The following ALDH5A1 variants were observed in gnomAD, a reference collection of about 807,000 sequenced individuals.
ALDH5A1 encodes succinate-semialdehyde dehydrogenase, mitochondrial.
ALDH5A1 carries 33 observed loss-of-function variants against 54.7 expected under a neutral mutation model. The ratio of observed to expected loss-of-function variants is 0.60; its 90% CI spans 0.46 to 0.81. ALDH5A1 has a LOEUF of 0.81. Ranked by LOEUF, ALDH5A1 falls within the 30% of genes least tolerant of loss-of-function variation. ALDH5A1 has a pLI of 0.00. For missense variants in ALDH5A1, 657 were observed against 711.0 expected (o/e 0.92, Z 0.86); for synonymous variants, 294 against 292.7 (o/e 1.00, Z -0.05).
chr6:24,520,339 A>G, intron 5 of ALDH5A1, 62 bp from the exon 6 acceptor site: 1 of 1,608,788 alleles, frequency 6.2e-7, no homozygotes, highest in Non-Finnish European at 8.5e-7. Context: ...TTTTTTAAAC[A>G]AAGGCTTAAC....
At chr6:24,507,698 TTTCTCTTGTA>T (rs1759385523) in intron 4 of ALDH5A1, among the ~76,000 whole-genome samples, 2 of 152,202 alleles carry the variant, frequency 1.3e-5, no homozygotes, top group Admixed American at 6.5e-5. Context: ...TTTTTGTCAC[TTTCTCTTGTA>T]TCTTTTTCAT....
chr6:24,499,093 C>T (rs1490318749), intron 1 of ALDH5A1, among the ~76,000 whole-genome samples: 2 of 134,544 alleles, frequency 1.5e-5, no homozygotes, highest in Non-Finnish European at 3.1e-5. Context: ...CAGAGCAAGA[C>T]TCTGTCTCAA....
chr6:24,522,694 G>A, intron 6 of ALDH5A1, 73 bp from the exon 7 acceptor site: 1 of 1,561,200 alleles, frequency 6.4e-7, no homozygotes, highest in South Asian at 1.1e-5. Flanking sequence ...AGAGGCGGTA[G>A]CAGCCACACG....
At chr6:24,506,273 TGA>T (rs1213729646) in intron 4 of ALDH5A1, among the ~76,000 whole-genome samples, 1 of 105,014 alleles carries the variant, frequency 9.5e-6, no homozygotes, top group Non-Finnish European at 1.8e-5. Context: ...TTTTTTTTTT[TGA>T]GACAGTCTCG....
chr6:24,525,928 A>T (rs114770795), intron 7 of ALDH5A1, among the ~76,000 whole-genome samples: 2,356 of 152,110 alleles, frequency 0.015, 31 homozygotes, highest in South Asian at 0.04. Flanking sequence ...GAGACAGCAG[A>T]GGCATTTGTT....
intron 5 of ALDH5A1, among the ~76,000 whole-genome samples, chr6:24,516,991 A>G (rs1418682613): frequency 6.6e-6 from 1 of 152,160 alleles, no homozygotes; most frequent in East Asian, 1.9e-4. Context: ...TTTAGAAACC[A>G]TGAGAAGCAG....
chr6:24,516,939 T>TA (rs985528876), intron 5 of ALDH5A1, among the ~76,000 whole-genome samples: 1 of 152,008 alleles, frequency 6.6e-6, no homozygotes, highest in African/African-American at 2.4e-5. Flanking sequence ...ATAATAAAAA[T>TA]AAAAAAGTCT....
At chr6:24,504,810 C>T in intron 3 of ALDH5A1, 59 bp from the exon 4 acceptor site, 1 of 1,511,468 alleles carries the variant, frequency 6.6e-7, no homozygotes, top group African/African-American at 1.4e-5. Flanking sequence ...ACATGCCTTC[C>T]TTTGCACTAA....
chr6:24,527,170 G>C (rs555922022), intron 7 of ALDH5A1, among the ~76,000 whole-genome samples: 2 of 151,814 alleles, frequency 1.3e-5, no homozygotes, highest in South Asian at 4.2e-4. Context: ...AAGTTATTTT[G>C]TATCAGAATT....
chr6:24,519,252 A>G (rs1350803822), intron 5 of ALDH5A1, among the ~76,000 whole-genome samples: 2 of 152,120 alleles, frequency 1.3e-5, no homozygotes, highest in Non-Finnish European at 2.9e-5. Context: ...ATGCAGTGGA[A>G]TACTATGCAA....
intron 8 of ALDH5A1, among the ~76,000 whole-genome samples, chr6:24,531,452 C>T (rs906859456): frequency 1.3e-5 from 2 of 152,128 alleles, no homozygotes; most frequent in African/African-American, 4.8e-5. Context: ...CTACCCAGTC[C>T]CCCTTTGCAA....
chr6:24,497,730 G>T (rs1351610035), intron 1 of ALDH5A1, among the ~76,000 whole-genome samples: 1 of 152,214 alleles, frequency 6.6e-6, no homozygotes, highest in Non-Finnish European at 1.5e-5. Context: ...TGTATCAGAG[G>T]AGGTCATAGG....
chr6:24,497,537 T>C (rs1764737663), intron 1 of ALDH5A1, among the ~76,000 whole-genome samples: 1 of 152,186 alleles, frequency 6.6e-6, no homozygotes, highest in Admixed American at 6.5e-5. Context: ...TACAGGGCGC[T>C]GGTTGGTGCA....
intron 7 of ALDH5A1, among the ~76,000 whole-genome samples, chr6:24,524,920 G>A (rs1450994758): frequency 4.6e-5 from 7 of 152,182 alleles, no homozygotes; most frequent in Non-Finnish European, 8.8e-5. Context: ...CCAGTATGAT[G>A]CTAGTTTGCA....
chr6:24,508,396 AGT>A lies in ALDH5A1; in HGVS notation c.726+3412_726+3413del, dbSNP rs1759402129. ...AAAAAAAAAAAAAAAAAAGATTAAT[AGT>A]CTCTAATCCTCTAATCTCATCCAGC... On this transcript the variant is annotated intron_variant, in intron 4 of 9. Coordinates refer to ENST00000357578, the MANE Select transcript of ALDH5A1 (RefSeq NM_001080.3). Among the ~76,000 whole-genome samples, 2 of 56,094 alleles carry A rather than the reference AGT, an allele frequency of 3.6e-5. 1 individual carries two copies. Among genetic ancestry groups the A allele is most frequent in the East Asian group, 6.1e-4 (2 of 3,296 alleles). The allele number at this position is 56,094 out of a possible 152,430, so 36.8% of individuals were successfully genotyped here.
chr6:24,521,106 T>C (rs1310614265), intron 6 of ALDH5A1, among the ~76,000 whole-genome samples: 1 of 152,218 alleles, frequency 6.6e-6, no homozygotes, highest in African/African-American at 2.4e-5. Flanking sequence ...CAGTGGGGCC[T>C]CGCTGTCCCG....
At chr6:24,520,647 T>TGC (rs1759665266) in intron 6 of ALDH5A1, 103 bp downstream of exon 6, 3 of 1,467,334 alleles carry the variant, frequency 2.0e-6, no homozygotes, top group East Asian at 2.5e-5. Flanking sequence ...TGTGTGTGTG[T>TGC]GCGTGTGTGT....
At chr6:24,522,728 C>T (rs757383321) in intron 6 of ALDH5A1, 39 bp from the exon 7 acceptor site, 1 of 1,611,728 alleles carries the variant, frequency 6.2e-7, no homozygotes, top group Non-Finnish European at 8.5e-7. Context: ...TCTGCAGCTT[C>T]TGACAGACTG....
chr6:24,503,230 G>A, intron 2 of ALDH5A1, 33 bp from the exon 3 acceptor site: 1 of 1,608,204 alleles, frequency 6.2e-7, no homozygotes, highest in Non-Finnish European at 8.5e-7. Flanking sequence ...TTATTAGAAG[G>A]TAATACGTGG....
Sources: allele counts gnomAD v4.1 joint callset (sites outside exome capture counted in the v4.1 genomes callset), GRCh38; gene constraint gnomAD v4.1.1; transcripts MANE v1.5; gene names NCBI Gene and HGNC (gene_info 2026-07-23, HGNC 2026-07-21).